Variants in GSE1 observed in about 807,000 individuals in gnomAD.
The protein encoded by GSE1 is genetic suppressor element 1.
Under a neutral mutation model 112.6 loss-of-function variants are expected in GSE1, and 32 were observed. The observed-to-expected ratio is 0.28, with a 90% CI of 0.21 to 0.38. GSE1 has a LOEUF of 0.38. Among genes scored for constraint, GSE1 ranks in the 10% least tolerant of loss-of-function variants. The pLI is 1.00. For missense variants in GSE1, 2,348 were observed against 1,699.2 expected (o/e 1.38, Z -6.71); for synonymous variants, 1,115 against 735.6 (o/e 1.52, Z -8.35).
At chr16:85,640,452 G>T (rs547586895) in intron 2 of GSE1, among the ~76,000 whole-genome samples, 1 of 152,346 alleles carries the variant, frequency 6.6e-6, no homozygotes, top group South Asian at 2.1e-4. Flanking sequence ...GCGGGGCCCT[G>T]TGCCGCCTTC....
chr16:85,643,755 T>TC (rs1249974232), intron 2 of GSE1, among the ~76,000 whole-genome samples: 2 of 152,004 alleles, frequency 1.3e-5, no homozygotes, highest in Non-Finnish European at 2.9e-5. Flanking sequence ...GTGGTGGGGC[T>TC]CGGAAGCTCC....
chr16:85,605,007 T>C (rs141720622), intron 1 of GSE1, among the ~76,000 whole-genome samples: 9,999 of 145,838 alleles, frequency 0.069, 1,172 homozygotes, highest in African/African-American at 0.23. Flanking sequence ...TTAGTAGAGA[T>C]GGGGTTTCAC....
At chr16:85,467,369 C>G (rs2050153443) in intron 2 of GSE1, among the ~76,000 whole-genome samples, 3 of 152,242 alleles carry the variant, frequency 2.0e-5, no homozygotes, top group Admixed American at 2.0e-4. Context: ...TGCTATGTAA[C>G]AAACTACCCC....
rs1249910110 is a variant in GSE1 at position 85,661,149 on chromosome 16, A to G, written c.1644A>G (p.Pro548=). The G allele has an allele frequency of 5.1e-6, 8 of 1,582,892 alleles. No homozygotes were observed. In the African/African-American group the frequency reaches 9.4e-5, roughly 19 times the overall value. The stretch of plus-strand genomic sequence containing the variant: ...AAGGGTTGGTTTCACTCCCTAGGCC[A>G]GGACCAAACCGTCACGAGCCAGGTG... ...AEHRPESTTR[P]GPNRHEPGGR... is the part of the protein sequence containing the mutation. The change falls in exon 9 of 16, where the codon CCA becomes CCG. Residue 548 remains proline (P), a synonymous_variant. Transcript: ENST00000253458.
intron 2 of GSE1, among the ~76,000 whole-genome samples, chr16:85,360,252 G>A (rs976702244): frequency 6.6e-6 from 1 of 152,016 alleles, no homozygotes; most frequent in Non-Finnish European, 1.5e-5. Context: ...TACGTTGGGG[G>A]CGGGGGCCTG....
chr16:85,344,679 G>T (rs1015459840), intron 1 of GSE1, among the ~76,000 whole-genome samples: 2 of 152,348 alleles, frequency 1.3e-5, no homozygotes, highest in South Asian at 2.1e-4. Flanking sequence ...TCACAGATGG[G>T]GTAGCCAAGG....
chr16:85,283,646 C>G (rs561033824), intron 1 of GSE1: 22 of 152,420 alleles, frequency 1.4e-4, no homozygotes, highest in African/African-American at 4.8e-4. Flanking sequence ...ACGCTGCAAC[C>G]TTGTCCAGCC....
chr16:85,317,124 T>C (rs905780978), intron 1 of GSE1, among the ~76,000 whole-genome samples: 2 of 152,224 alleles, frequency 1.3e-5, no homozygotes, highest in African/African-American at 4.8e-5. Context: ...ACCTGTTGTG[T>C]GCTGGGCAGG....
chr16:85,170,045 C>T (rs926149032), exon 1 of GSE1: 4 of 984,674 alleles, frequency 4.1e-6, no homozygotes, highest in South Asian at 4.7e-5. Context: ...TCCGACCTGT[C>T]GGAGCTGTCG....
chr16:85,181,640 C>T (rs972186966), intron 1 of GSE1, among the ~76,000 whole-genome samples: 3 of 152,224 alleles, frequency 2.0e-5, no homozygotes, highest in African/African-American at 4.8e-5. Flanking sequence ...CCTAGTCTCC[C>T]GCTTCGGGTG....
At chr16:85,520,194 G>A (rs1160589406) in intron 2 of GSE1, among the ~76,000 whole-genome samples, 1 of 152,096 alleles carries the variant, frequency 6.6e-6, no homozygotes, top group African/African-American at 2.4e-5. Flanking sequence ...GTGCCCTCTC[G>A]CTGTATCCTC....
At chr16:85,443,030 A>G (rs2049418432) in intron 2 of GSE1, among the ~76,000 whole-genome samples, 1 of 152,096 alleles carries the variant, frequency 6.6e-6, no homozygotes, top group African/African-American at 2.4e-5. Flanking sequence ...TTTTAAGGAC[A>G]CCTGTCATTG....
chr16:85,197,125 A>C (rs1196743983), intron 1 of GSE1, among the ~76,000 whole-genome samples: 1 of 152,206 alleles, frequency 6.6e-6, no homozygotes, highest in Non-Finnish European at 1.5e-5. Context: ...CCAGGCACAG[A>C]GACAACAAGA....
At chr16:85,327,469 G>T (rs2151510055) in intron 1 of GSE1, among the ~76,000 whole-genome samples, 1 of 152,268 alleles carries the variant, frequency 6.6e-6, no homozygotes, top group African/African-American at 2.4e-5. Flanking sequence ...TGGGCATGGT[G>T]GCACATACCT....
intron 1 of GSE1, among the ~76,000 whole-genome samples, chr16:85,218,620 T>G (rs2143724589): frequency 6.6e-6 from 1 of 152,306 alleles, no homozygotes. Flanking sequence ...GGCCTCACTT[T>G]CCAAATCATA....
chr16:85,672,133 G>C, intron 15 of GSE1: 1 of 383,962 alleles, frequency 2.6e-6, no homozygotes, highest in Non-Finnish European at 5.1e-6. Context: ...CGAGTAGCTA[G>C]GATTACAGGT....
chr16:85,194,200 C>T (rs1052164146), intron 1 of GSE1, among the ~76,000 whole-genome samples: 10 of 152,110 alleles, frequency 6.6e-5, no homozygotes, highest in African/African-American at 1.7e-4. Context: ...ACTCCGTGTC[C>T]GGGCGCCCTT....
At chr16:85,243,250 A>G (rs898505657) in intron 1 of GSE1, among the ~76,000 whole-genome samples, 1 of 152,270 alleles carries the variant, frequency 6.6e-6, no homozygotes, top group Non-Finnish European at 1.5e-5. Flanking sequence ...CTGCAAGTCC[A>G]AAGTGCAAAA....
At chr16:85,626,885 T>C (rs1048807282) in intron 1 of GSE1, among the ~76,000 whole-genome samples, 6 of 151,824 alleles carry the variant, frequency 4.0e-5, no homozygotes, top group Non-Finnish European at 5.9e-5. Context: ...GCCTCCCCCC[T>C]CGTTTAAATC....
Sources: gnomAD v4.1 joint callset for allele counts (sites outside exome capture counted in the v4.1 genomes callset) on GRCh38, gnomAD v4.1.1 for gene constraint, MANE v1.5 for transcripts, NCBI Gene and HGNC (gene_info 2026-07-23, HGNC 2026-07-21) for gene names.